Variants in FBXW11 observed in about 807,000 individuals in gnomAD.
FBXW11 encodes F-box/WD repeat-containing protein 11.
A neutral mutation model predicts 77.6 loss-of-function variants in FBXW11; 19 were observed. That is an observed-to-expected ratio of 0.24 (90% CI 0.17 to 0.36). The LOEUF (loss-of-function observed/expected upper bound fraction) is 0.36, where lower values mean the gene tolerates loss of function less well. Among genes scored for constraint, FBXW11 ranks in the 10% least tolerant of loss-of-function variants. FBXW11 has a pLI of 1.00. For missense variants in FBXW11, 334 were observed against 704.2 expected, an observed-to-expected ratio of 0.47 and a Z score of 5.95; for synonymous variants, 235 against 249.4, an observed-to-expected ratio of 0.94 and a Z score of 0.54.
intron 1 of FBXW11, among the ~76,000 whole-genome samples, chr5:171,964,391 C>T (rs1193557851): frequency 6.6e-6 from 1 of 152,258 alleles, no homozygotes; most frequent in Non-Finnish European, 1.5e-5. Flanking sequence ...AGGACTGGGT[C>T]TTGATGAATC....
intron 1 of FBXW11, among the ~76,000 whole-genome samples, chr5:171,996,576 T>G (rs928564243): frequency 1.3e-5 from 2 of 152,156 alleles, no homozygotes; most frequent in Non-Finnish European, 2.9e-5. Flanking sequence ...GGCAGGAAGA[T>G]CGTGTGAGGC....
chr5:172,003,245 A>T (rs1235579160), intron 1 of FBXW11: 2 of 152,188 alleles, frequency 1.3e-5, no homozygotes, highest in African/African-American at 2.4e-5. Context: ...GGCTTCTTAC[A>T]GGGTAATCTA....
intron 1 of FBXW11, among the ~76,000 whole-genome samples, chr5:172,004,267 T>C (rs1766593279): frequency 1.3e-5 from 2 of 152,168 alleles, no homozygotes; most frequent in African/African-American, 4.8e-5. Flanking sequence ...TGTCTAAGAG[T>C]CTTAACTGAT....
At chr5:171,982,602 T>C (rs1013937485) in intron 1 of FBXW11, among the ~76,000 whole-genome samples, 3 of 152,348 alleles carry the variant, frequency 2.0e-5, no homozygotes, top group Admixed American at 2.0e-4. Flanking sequence ...TACCAAGTGA[T>C]GGCTAGAATG....
chr5:171,982,365 C>T (rs1396990659), intron 1 of FBXW11, among the ~76,000 whole-genome samples: 1 of 122,756 alleles, frequency 8.1e-6, no homozygotes, highest in Admixed American at 9.6e-5. Flanking sequence ...CGCCTCCTGG[C>T]TTCAAGCAAT....
chr5:171,889,910 TAAAAAG>T (rs1759213699), intron 7 of FBXW11, among the ~76,000 whole-genome samples: 1 of 151,478 alleles, frequency 6.6e-6, no homozygotes, highest in African/African-American at 2.4e-5. Flanking sequence ...TTTTTTTAAA[TAAAAAG>T]AAAATGAAAA....
chr5:171,892,348 CTTA>C (rs1225191717), intron 6 of FBXW11, among the ~76,000 whole-genome samples: 1 of 152,146 alleles, frequency 6.6e-6, no homozygotes, highest in Admixed American at 6.6e-5. Context: ...GAAGGAAGTA[CTTA>C]TTATTTCCTT....
In FBXW11 at chr5:171,876,174, AGAG is replaced by A. The variant is rs1758070652; in HGVS notation, c.1221+108_1221+110del. On this transcript the variant is annotated intron_variant, in intron 9 of 13. Transcript: ENST00000517395. The surrounding 1 kb of genome is among the most constrained non-coding windows in gnomAD (Gnocchi z 4.2). ...GATGGCCTCAAGGGTTCATAAGCAC[AGAG>A]GAGAATAAAGATCTTGCCAGGTACC... 1 of 1,324,026 alleles carries A rather than the reference AGAG, an allele frequency of 7.6e-7. No individual in the cohort carries two copies. The highest frequency in any genetic ancestry group is 1.1e-6 in the Non-Finnish European group (1 of 945,012). The allele number at this position is 1,324,026 out of a possible 1,614,324, so 82.0% of individuals were successfully genotyped here. A position where few individuals can be genotyped will look rare whatever the true frequency, so the allele number is the denominator to read the frequency against.
intron 1 of FBXW11, among the ~76,000 whole-genome samples, chr5:171,978,018 G>C (rs1764933097): frequency 6.6e-6 from 1 of 152,154 alleles, no homozygotes; most frequent in South Asian, 2.1e-4. Context: ...AGGGGACCCA[G>C]GCATGGCTCC....
At chr5:171,920,427 A>G (rs796546599) in intron 2 of FBXW11, among the ~76,000 whole-genome samples, 14 of 151,196 alleles carry the variant, frequency 9.3e-5, no homozygotes, top group African/African-American at 3.4e-4. Flanking sequence ...AAAAAAAAAA[A>G]AAAAAAACCC....
intron 7 of FBXW11, among the ~76,000 whole-genome samples, chr5:171,883,228 A>C (rs1462324654): frequency 2.0e-5 from 3 of 152,204 alleles, no homozygotes; most frequent in Non-Finnish European, 4.4e-5. Flanking sequence ...TGCAATTGTG[A>C]ATTGTGCTGC....
chr5:171,907,057 A>G (rs1341887515), intron 4 of FBXW11, among the ~76,000 whole-genome samples: 2 of 152,258 alleles, frequency 1.3e-5, no homozygotes, highest in Admixed American at 1.3e-4. Context: ...TTTACATGGT[A>G]TGAATTTTCC....
chr5:171,951,038 A>G (rs1763285499), intron 2 of FBXW11, among the ~76,000 whole-genome samples: 1 of 152,162 alleles, frequency 6.6e-6, no homozygotes, highest in Admixed American at 6.6e-5. Flanking sequence ...GAAGGAAGGG[A>G]TTAGAAGGGA....
At chr5:171,870,563 G>C (rs981122357) in intron 11 of FBXW11, among the ~76,000 whole-genome samples, 185 bp downstream of exon 11, 4 of 152,186 alleles carry the variant, frequency 2.6e-5, no homozygotes, top group Non-Finnish European at 5.9e-5. Context: ...TTTGGGGTAA[G>C]ATTTAGTTCT....
At chr5:171,985,304 C>A (rs1283718952) in intron 1 of FBXW11, among the ~76,000 whole-genome samples, 1 of 152,118 alleles carries the variant, frequency 6.6e-6, no homozygotes, top group Admixed American at 6.6e-5. Context: ...ATCCACCACC[C>A]TCATACCTCC....
chr5:171,997,428 AAT>A (rs1358200094), intron 1 of FBXW11, among the ~76,000 whole-genome samples: 2 of 152,236 alleles, frequency 1.3e-5, no homozygotes, highest in African/African-American at 4.8e-5. Context: ...CCATTAGAAA[AAT>A]AGTTTGTCAG....
chr5:171,979,547 T>A (rs1386880891), intron 1 of FBXW11, among the ~76,000 whole-genome samples: 1 of 152,182 alleles, frequency 6.6e-6, no homozygotes, highest in East Asian at 1.9e-4. Context: ...AAAAGGTAAG[T>A]TCCTATTCAA....
intron 9 of FBXW11, among the ~76,000 whole-genome samples, chr5:171,875,980 G>A (rs1758055217): frequency 6.6e-6 from 1 of 152,162 alleles, no homozygotes; most frequent in Admixed American, 6.5e-5. Flanking sequence ...TGTTAACTGA[G>A]ACCATAATGT....
At chr5:171,865,822 G>A (rs1169978967) in intron 13 of FBXW11, among the ~76,000 whole-genome samples, 1 of 152,150 alleles carries the variant, frequency 6.6e-6, no homozygotes, top group African/African-American at 2.4e-5. Flanking sequence ...ATCTACTGCT[G>A]CATTTGCTGA....
Sources: allele counts gnomAD v4.1 joint callset (sites outside exome capture counted in the v4.1 genomes callset), GRCh38; gene constraint gnomAD v4.1.1; non-coding constraint Gnocchi (gnomAD v3.1); transcripts MANE v1.5; gene names NCBI Gene and HGNC (gene_info 2026-07-23, HGNC 2026-07-21).